The following LATS1 variants were observed in gnomAD, a reference collection of about 807,000 sequenced individuals.
The protein encoded by LATS1 is large tumor suppressor kinase 1.
LATS1 carries 25 observed loss-of-function variants against 106.6 expected under a neutral mutation model. The observed-to-expected ratio is 0.23, with a 90% CI of 0.17 to 0.33. LATS1 has a LOEUF of 0.33. Ranked by LOEUF, LATS1 falls within the 10% of genes least tolerant of loss-of-function variation. The pLI is 1.00. For missense variants in LATS1, 1,040 were observed against 1,382.6 expected, an observed-to-expected ratio of 0.75 and a Z score of 3.93; for synonymous variants, 465 against 455.6, an observed-to-expected ratio of 1.02 and a Z score of -0.26.
At chr6:149,710,704 G>A (rs775630641) in intron 1 of LATS1, among the ~76,000 whole-genome samples, 10 of 152,158 alleles carry the variant, frequency 6.6e-5, no homozygotes, top group Non-Finnish European at 1.2e-4. Flanking sequence ...ATCTGGTAAC[G>A]CTGTTGCCTA....
Position 149,683,928 on chromosome 6 carries a change from A to G in LATS1, c.1161T>C (p.Ser387=). 6.2e-7 allele frequency: 1 copy of G among 1,614,230 alleles called. No individual in the cohort carries two copies. The highest frequency in any genetic ancestry group is 1.7e-5 in the Admixed American group (1 of 60,026). ...PLTAANGQSP[S]ALQTGGSAAP... ...CAGCAGATCCCCCTGTTTGTAAAGC[A>G]GAAGGGCTTTGTCCATTAGCTGCTG... Residue 387 remains serine (S), a synonymous_variant, in exon 4 of 8, where the codon TCT becomes TCC. Transcript: ENST00000543571.
chr6:149,678,162 TCCAAAAAAAA>T (rs1277310397), intron 5 of LATS1, among the ~76,000 whole-genome samples: 708 of 28,612 alleles, frequency 0.025, 13 homozygotes, highest in Non-Finnish European at 0.043. Flanking sequence ...CTACTAAAAA[TCCAAAAAAAA>T]AAAAAAAAAA....
intron 7 of LATS1, among the ~76,000 whole-genome samples, chr6:149,668,348 G>A (rs190960437): frequency 2.0e-5 from 3 of 152,116 alleles, no homozygotes; most frequent in African/African-American, 7.2e-5. Flanking sequence ...GAAGAGACAT[G>A]ATAGAGAAGG....
Position 149,676,745 on chromosome 6 carries a change from A to G in LATS1, c.2594-8T>C. 6.2e-7 allele frequency: 1 copy of G among 1,603,740 alleles called. No individual in the cohort carries two copies. Among genetic ancestry groups the G allele is most frequent in the South Asian group, 1.1e-5 (1 of 90,382 alleles). On this transcript the variant is annotated splice_polypyrimidine_tract_variant and splice_region_variant and intron_variant, in intron 5 of 7. Transcript: ENST00000543571. ...CTTGCCGTGGATGGTCACCTGCACA[A>G]CAAAAGAATAAGTAAATAAAGTCAA...
In LATS1 at chr6:149,658,415, T is replaced by C. The variant is rs1780776651; in HGVS notation, c.*3314A>G. On this transcript the variant is annotated 3_prime_UTR_variant, in exon 8 of 8. Transcript: ENST00000543571. ...CAATACAATATAAAAGTAAACTGTG[T>C]AGTGCCTTCCACAAAGGGATATATT... The C allele has an allele frequency of 2.0e-5, 3 of 152,356 alleles. No individual in the cohort carries two copies. Among genetic ancestry groups the C allele is most frequent in the South Asian group, 4.1e-4 (2 of 4,834 alleles). 9.4% of individuals were successfully genotyped at this position (152,356 alleles called of 1,614,324 possible).
At chr6:149,670,628 C>G (rs901214512) in intron 7 of LATS1, among the ~76,000 whole-genome samples, 1 of 152,028 alleles carries the variant, frequency 6.6e-6, no homozygotes, top group African/African-American at 2.4e-5. Context: ...GGTTGTCTAT[C>G]TTGGTTGGTG....
intron 7 of LATS1, among the ~76,000 whole-genome samples, chr6:149,669,237 C>T (rs1255388210): frequency 6.6e-6 from 1 of 151,898 alleles, no homozygotes; most frequent in East Asian, 1.9e-4. Flanking sequence ...AGGTTCACGC[C>T]ATTCTCCTGC....
intron 1 of LATS1, among the ~76,000 whole-genome samples, chr6:149,707,393 T>C (rs772597442): frequency 2.6e-5 from 4 of 152,248 alleles, no homozygotes; most frequent in Non-Finnish European, 4.4e-5. Flanking sequence ...GTAATCCCAA[T>C]ACTTTCAGAG....
rs1309222614 is a variant in LATS1 at position 149,717,850 on chromosome 6, T to C, written c.-142A>G. 2 of 335,786 alleles carry C rather than the reference T, an allele frequency of 6.0e-6. No homozygotes were observed. The highest frequency in any genetic ancestry group is 4.2e-5 in the South Asian group (2 of 47,792). 20.8% of individuals were successfully genotyped at this position (335,786 alleles called of 1,614,324 possible). A position where few individuals can be genotyped will look rare whatever the true frequency, so the allele number is the denominator to read the frequency against. On this transcript the variant is annotated splice_region_variant and 5_prime_UTR_variant, in exon 1 of 8. Transcript: ENST00000543571. ...CCGCTACGCCAGCCCCGGACCTACC[T>C]GGAGGGGAGAGCAGAGCTCCTGGAC...
At chr6:149,690,895 C>T (rs1372739501) in intron 3 of LATS1, among the ~76,000 whole-genome samples, 1 of 152,168 alleles carries the variant, frequency 6.6e-6, no homozygotes, top group Non-Finnish European at 1.5e-5. Flanking sequence ...GAATTGAAGT[C>T]ATGATGAACT....
intron 7 of LATS1, among the ~76,000 whole-genome samples, chr6:149,673,096 CTTTTTTTTTTT>C (rs199602290): frequency 8.4e-6 from 1 of 119,114 alleles, no homozygotes; most frequent in African/African-American, 3.2e-5. Flanking sequence ...CTTTTCTTTT[CTTTTTTTTTTT>C]TTTTTTTGAG....
chr6:149,707,332 C>T (rs1783841260), intron 1 of LATS1, among the ~76,000 whole-genome samples: 2 of 151,994 alleles, frequency 1.3e-5, no homozygotes, highest in African/African-American at 2.4e-5. Context: ...CATTCTTTTA[C>T]ATAATCATGG....
intron 1 of LATS1, among the ~76,000 whole-genome samples, chr6:149,705,521 C>A (rs999267795): frequency 2.0e-5 from 3 of 151,390 alleles, no homozygotes; most frequent in Non-Finnish European, 2.9e-5. Flanking sequence ...CTTTGGGTTT[C>A]AACTCTAAGT....
chr6:149,688,723 G>A (rs1782547677), intron 3 of LATS1, among the ~76,000 whole-genome samples: 1 of 152,202 alleles, frequency 6.6e-6, no homozygotes, highest in African/African-American at 2.4e-5. Flanking sequence ...TCTCGAAGGA[G>A]AAGCCAGACA....
intron 2 of LATS1, among the ~76,000 whole-genome samples, chr6:149,696,516 G>A (rs183763194): frequency 3.3e-5 from 4 of 122,264 alleles, no homozygotes; most frequent in Admixed American, 2.2e-4. Context: ...TACAGATCAC[G>A]TCACTACACT....
At chr6:149,670,186 A>AG (rs1235343500) in intron 7 of LATS1, among the ~76,000 whole-genome samples, 1 of 146,544 alleles carries the variant, frequency 6.8e-6, no homozygotes, top group Non-Finnish European at 1.5e-5. Context: ...AAAAAAAAAA[A>AG]AAAAAAAGAA....
intron 3 of LATS1, among the ~76,000 whole-genome samples, chr6:149,689,896 A>G (rs1021636871): frequency 2.6e-5 from 4 of 152,074 alleles, no homozygotes; most frequent in African/African-American, 9.7e-5. Flanking sequence ...ATCCTCAAGT[A>G]TCTCTTGAAT....
chr6:149,682,037 G>A (rs533232550), intron 4 of LATS1, among the ~76,000 whole-genome samples: 238 of 151,858 alleles, frequency 1.6e-3, no homozygotes, highest in African/African-American at 5.5e-3. Context: ...GCTTGAACCC[G>A]GGAGGCGGAG....
intron 1 of LATS1, among the ~76,000 whole-genome samples, chr6:149,709,570 G>A (rs1400445112): frequency 6.6e-6 from 1 of 151,574 alleles, no homozygotes; most frequent in African/African-American, 2.4e-5. Flanking sequence ...TTTACATAAT[G>A]GGAACTTTGG....
Sources: allele counts gnomAD v4.1 joint callset (sites outside exome capture counted in the v4.1 genomes callset), GRCh38; gene constraint gnomAD v4.1.1; transcripts MANE v1.5; gene names NCBI Gene and HGNC (gene_info 2026-07-23, HGNC 2026-07-21).